KCNMB4: variants seen among roughly 807,000 people sequenced by gnomAD.
KCNMB4 encodes potassium calcium-activated channel subfamily M regulatory beta subunit 4.
Under a neutral mutation model 20.7 loss-of-function variants are expected in KCNMB4, and 3 were observed. The ratio of observed to expected loss-of-function variants is 0.14; its 90% confidence interval spans 0.07 to 0.37. KCNMB4 has a LOEUF of 0.37. KCNMB4 is among the 10% of genes least tolerant of loss of function. The pLI is 1.00. For synonymous variants in KCNMB4, 110 were observed against 113.4 expected (o/e 0.97, Z 0.19); for missense variants, 168 against 265.9 (o/e 0.63, Z 2.56).
At chr12:70,394,063 AT>A (rs1344864033) in intron 1 of KCNMB4, among the ~76,000 whole-genome samples, 1 of 152,188 alleles carries the variant, frequency 6.6e-6, no homozygotes, top group African/African-American at 2.4e-5. Flanking sequence ...CTTTGTAAAT[AT>A]GCTACTATTA....
chr12:70,376,720 C>A (rs7132015), intron 1 of KCNMB4, among the ~76,000 whole-genome samples: 76,421 of 141,750 alleles, frequency 0.54, 20,993 homozygotes, highest in African/African-American at 0.73. Flanking sequence ...TAAAAAAAAA[C>A]AAAACGCCAG....
chr12:70,371,125 G>A (rs1035825954), intron 1 of KCNMB4, among the ~76,000 whole-genome samples: 2 of 152,156 alleles, frequency 1.3e-5, no homozygotes, highest in African/African-American at 4.8e-5. Flanking sequence ...CCAAAGTGCT[G>A]GGATTACAGG....
At position 70,433,449 on chromosome 12, in the gene KCNMB4, A is replaced by G. The variant is rs184420709; in HGVS notation, c.*2796A>G. 6.6e-6 allele frequency: 1 copy of G among 152,072 alleles called. No homozygotes were observed. Among genetic ancestry groups the G allele is most frequent in the Admixed American group, 6.5e-5 (1 of 15,294 alleles). 9.4% of individuals were successfully genotyped at this position (152,072 alleles called of 1,614,324 possible). A position where few individuals can be genotyped will look rare whatever the true frequency, so the allele number is the denominator to read the frequency against. ...TCAAGACTTCCTAGCCTGTGAAAAA[A>G]GAAGAAGGTGGAGCAAGCCATTTCC... On this transcript the variant is annotated 3_prime_UTR_variant, in exon 3 of 3. Transcript: ENST00000258111.
Position 70,367,019 on chromosome 12 carries a change from C to T in KCNMB4, c.285C>T (p.Asn95=), listed in dbSNP as rs768650937. 6.3e-7 allele frequency: 1 copy of T among 1,581,366 alleles called. No homozygotes were observed. Among genetic ancestry groups the T allele is most frequent in the Non-Finnish European group, 8.6e-7 (1 of 1,159,520 alleles). Residue 95 remains asparagine (N), a synonymous_variant, in exon 1 of 3, where the codon AAC becomes AAT. Transcript: ENST00000258111. ...VQVYVNNSES[N]SRALLHSDEH... is the part of the protein sequence containing the mutation. ...TCTACGTGAACAACTCTGAGTCCAA[C>T]TCTAGGGCGCTGCTGCACAGCGACG...
chr12:70,413,150 A>T (rs913477511), intron 2 of KCNMB4, among the ~76,000 whole-genome samples: 2 of 152,310 alleles, frequency 1.3e-5, no homozygotes, highest in Non-Finnish European at 2.9e-5. Flanking sequence ...TGGAATATAT[A>T]TGGAAGTTAT....
chr12:70,391,710 C>T (rs1868300896), intron 1 of KCNMB4, among the ~76,000 whole-genome samples: 1 of 152,082 alleles, frequency 6.6e-6, no homozygotes, highest in African/African-American at 2.4e-5. Flanking sequence ...TCATTATGGG[C>T]CAGTTTGGGT....
chr12:70,406,524 TTC>T (rs1188551459), intron 2 of KCNMB4, among the ~76,000 whole-genome samples: 4 of 152,126 alleles, frequency 2.6e-5, no homozygotes, highest in African/African-American at 9.7e-5. Context: ...GTACGCAGAT[TTC>T]TTTTTCTGTG....
intron 1 of KCNMB4, among the ~76,000 whole-genome samples, chr12:70,381,249 T>A (rs150871509): frequency 2.6e-5 from 4 of 152,254 alleles, no homozygotes; most frequent in African/African-American, 9.6e-5. Flanking sequence ...TAACAAGTGT[T>A]GTCAAAATAA....
intron 2 of KCNMB4, among the ~76,000 whole-genome samples, chr12:70,419,859 A>G (rs577586160): frequency 6.6e-6 from 1 of 152,326 alleles, no homozygotes; most frequent in African/African-American, 2.4e-5. Flanking sequence ...TGTGGTTAGG[A>G]ACAGCAGATA....
intron 1 of KCNMB4, among the ~76,000 whole-genome samples, chr12:70,398,043 A>T (rs549637936): frequency 6.6e-6 from 1 of 152,188 alleles, no homozygotes; most frequent in South Asian, 2.1e-4. Context: ...AACACCTTAG[A>T]GAAAGTAAGC....
intron 2 of KCNMB4, among the ~76,000 whole-genome samples, chr12:70,403,092 T>C (rs539393281): frequency 3.0e-4 from 46 of 152,268 alleles, no homozygotes; most frequent in African/African-American, 1.0e-3. Context: ...TGAGTAGATT[T>C]GGGAAGGAAG....
intron 1 of KCNMB4, among the ~76,000 whole-genome samples, chr12:70,384,509 G>A (rs756655079): frequency 1.3e-4 from 20 of 152,114 alleles, no homozygotes; most frequent in Non-Finnish European, 2.4e-4. Flanking sequence ...CACAGTCCCC[G>A]TTGGGGAAAC....
chr12:70,366,991 A>G lies in KCNMB4; in HGVS notation c.257A>G (p.Gln86Arg). The G allele has an allele frequency of 1.2e-6, 2 of 1,604,760 alleles. No individual in the cohort carries two copies. Among genetic ancestry groups the G allele is most frequent in the Non-Finnish European group, 1.7e-6 (2 of 1,175,072 alleles). Residue 86 changes from glutamine to arginine, a missense_variant, in exon 1 of 3, where the codon CAG (glutamine) becomes CGG (arginine). Coordinates refer to ENST00000258111, the MANE Select transcript of KCNMB4 (RefSeq NM_014505.6). ...GGCACCTCGCAGTACCCCTGCGTCC[A>G]GGTCTACGTGAACAACTCTGAGTCC... ...CRGTSQYPCV[Q>R]VYVNNSESNS...
At chr12:70,420,420 A>C (rs1869020379) in intron 2 of KCNMB4, among the ~76,000 whole-genome samples, 2 of 152,148 alleles carry the variant, frequency 1.3e-5, no homozygotes, top group Non-Finnish European at 2.9e-5. Context: ...GGGAGATGAG[A>C]TCAGAGAGAG....
At chr12:70,422,842 C>T (rs1274096203) in intron 2 of KCNMB4, 1 of 1,237,828 alleles carries the variant, frequency 8.1e-7, no homozygotes, top group African/African-American at 1.6e-5. Context: ...AAATAATTAC[C>T]ACACAGTGTG....
intron 1 of KCNMB4, among the ~76,000 whole-genome samples, chr12:70,399,067 G>C (rs1340120387): frequency 1.3e-5 from 2 of 152,208 alleles, no homozygotes. Context: ...TGGAGAGCAA[G>C]TACATCCATA....
intron 1 of KCNMB4, among the ~76,000 whole-genome samples, chr12:70,376,620 C>T (rs1883690892): frequency 6.6e-6 from 1 of 151,862 alleles, no homozygotes; most frequent in Non-Finnish European, 1.5e-5. Context: ...GTAATCCCAG[C>T]ACTTTGGGAG....
At chr12:70,425,280 C>CA (rs887709525) in intron 2 of KCNMB4, among the ~76,000 whole-genome samples, 7 of 151,224 alleles carry the variant, frequency 4.6e-5, no homozygotes, top group Non-Finnish European at 8.9e-5. Flanking sequence ...ACTAAAAACA[C>CA]AAAAAAAATT....
At chr12:70,402,463 G>A (rs999588911) in intron 2 of KCNMB4, among the ~76,000 whole-genome samples, 1 of 151,742 alleles carries the variant, frequency 6.6e-6, no homozygotes, top group Non-Finnish European at 1.5e-5. Context: ...GGCAGCGTAG[G>A]GAGACCCTGT....
Sources: allele counts gnomAD v4.1 joint callset (sites outside exome capture counted in the v4.1 genomes callset), GRCh38; gene constraint gnomAD v4.1.1; transcripts MANE v1.5; gene names NCBI Gene and HGNC (gene_info 2026-07-23, HGNC 2026-07-21).